PAFAH1B1: variants seen among roughly 807,000 people sequenced by gnomAD.
PAFAH1B1 encodes the protein platelet activating factor acetylhydrolase 1b regulatory subunit 1.
A neutral mutation model predicts 57.5 loss-of-function variants in PAFAH1B1; 2 were observed. The ratio of observed to expected loss-of-function variants is 0.03; its 90% CI spans 0.01 to 0.11. The LOEUF is 0.11. Among genes scored for constraint, PAFAH1B1 ranks in the 10% least tolerant of loss-of-function variants. PAFAH1B1 has a pLI of 1.00. For synonymous variants in PAFAH1B1, 152 were observed against 169.6 expected, an observed-to-expected ratio of 0.90 and a Z score of 0.81; for missense variants, 257 against 512.0, an observed-to-expected ratio of 0.50 and a Z score of 4.81.
intron 1 of PAFAH1B1, among the ~76,000 whole-genome samples, chr17:2,634,702 T>C (rs2068599325): frequency 6.6e-6 from 1 of 152,188 alleles, no homozygotes; most frequent in Non-Finnish European, 1.5e-5. Flanking sequence ...GGCTCCCTAT[T>C]GGCCCTGGGA....
intron 2 of PAFAH1B1, among the ~76,000 whole-genome samples, chr17:2,653,156 A>G (rs2068887988): frequency 6.6e-6 from 1 of 152,168 alleles, no homozygotes; most frequent in South Asian, 2.1e-4. Context: ...CATTCTCAGC[A>G]AACTATTGCA....
chr17:2,664,702 C>CTCTCTCTCTCTCTCTCTCTCTCT (rs1597567320), intron 2 of PAFAH1B1, among the ~76,000 whole-genome samples: 4 of 144,386 alleles, frequency 2.8e-5, no homozygotes, highest in African/African-American at 5.1e-5. Context: ...CTTTCTCTCT[C>CTCTCTCTCTCTCTCTCTCTCTCT]CATCTATAAA....
At chr17:2,598,291 A>T (rs1353207781) in intron 1 of PAFAH1B1, among the ~76,000 whole-genome samples, 3 of 152,122 alleles carry the variant, frequency 2.0e-5, no homozygotes, top group African/African-American at 7.2e-5. Flanking sequence ...AAGATGTCTT[A>T]AAAAACCCAA....
intron 1 of PAFAH1B1, among the ~76,000 whole-genome samples, chr17:2,608,149 A>G (rs1444379296): frequency 6.6e-6 from 1 of 152,064 alleles, no homozygotes; most frequent in African/African-American, 2.4e-5. Context: ...CAATGGCACA[A>G]TATCAGCTCA....
chr17:2,663,573 TA>T (rs11299400), intron 2 of PAFAH1B1, among the ~76,000 whole-genome samples: 150,670 of 152,160 alleles, frequency 0.99, 74,613 homozygotes, highest in East Asian at 1. Context: ...AGTCTTTACT[TA>T]ACTTATTACT....
intron 1 of PAFAH1B1, among the ~76,000 whole-genome samples, chr17:2,614,789 C>T (rs538214564): frequency 1.4e-4 from 22 of 152,036 alleles, no homozygotes; most frequent in African/African-American, 4.3e-4. Context: ...AGTCTTGCTG[C>T]GTTGCCCAGG....
chr17:2,667,614 A>G, intron 5 of PAFAH1B1: 2 of 228,076 alleles, frequency 8.8e-6, no homozygotes, highest in East Asian at 1.1e-4. Context: ...TGTGTGTCTT[A>G]CCTTTAAACG....
chr17:2,602,025 CAG>C (rs1475536324), intron 1 of PAFAH1B1, among the ~76,000 whole-genome samples: 1 of 152,048 alleles, frequency 6.6e-6, no homozygotes, highest in Non-Finnish European at 1.5e-5. Context: ...TTGGAAATAA[CAG>C]AATTAACAAA....
chr17:2,680,071 GT>G, intron 9 of PAFAH1B1, 92 bp from the exon 10 acceptor site: 2 of 1,129,656 alleles, frequency 1.8e-6, no homozygotes, highest in Non-Finnish European at 2.7e-6. Context: ...GTCTTTTGAT[GT>G]TTTTGGTATG....
rs553562763 is a variant in PAFAH1B1, at chr17:2,664,686, C to T, written c.33-686C>T. Among the ~76,000 whole-genome samples the T allele has an allele frequency of 8.4e-3, 1,064 of 126,414 alleles. 11 individuals are homozygous for T. Among genetic ancestry groups the T allele is most frequent in the African/African-American group, 0.03 (994 of 32,954 alleles). The allele number at this position is 126,414 out of a possible 152,430, so 82.9% of individuals were successfully genotyped here. On this transcript the variant is annotated intron_variant, in intron 2 of 10. Transcript: ENST00000397195. ...TATCGCTCTCTCTCTCTCTCTCTCTCTCTCTCTTTCTCTCTCCATCTATAA... is the reference window on the plus strand; with the variant it reads ...TATCGCTCTCTCTCTCTCTCTCTCTTTCTCTCTTTCTCTCTCCATCTATAA...
At chr17:2,609,815 G>A (rs766957585) in intron 1 of PAFAH1B1, among the ~76,000 whole-genome samples, 8 of 151,594 alleles carry the variant, frequency 5.3e-5, no homozygotes, top group Non-Finnish European at 7.4e-5. Context: ...CGGCTGAAAC[G>A]AAGAATATTT....
chr17:2,637,778 C>CT (rs776040009), intron 1 of PAFAH1B1, among the ~76,000 whole-genome samples: 16 of 152,172 alleles, frequency 1.1e-4, no homozygotes, highest in Admixed American at 3.3e-4. Flanking sequence ...CTTTTTGTCT[C>CT]TAAGAGAGAA....
chr17:2,678,963 T>G (rs2069319300), intron 9 of PAFAH1B1, among the ~76,000 whole-genome samples: 2 of 152,222 alleles, frequency 1.3e-5, no homozygotes, highest in Non-Finnish European at 2.9e-5. Context: ...ATGCAGCTAT[T>G]ATACTCTTGA....
intron 2 of PAFAH1B1, among the ~76,000 whole-genome samples, chr17:2,656,114 C>T (rs1009077966): frequency 2.3e-4 from 35 of 152,094 alleles, no homozygotes; most frequent in African/African-American, 7.0e-4. Context: ...TTAGTAGAGA[C>T]GGGGTTTCAC....
chr17:2,651,304 C>T (rs374645494), intron 2 of PAFAH1B1, among the ~76,000 whole-genome samples: 27 of 150,604 alleles, frequency 1.8e-4, no homozygotes, highest in East Asian at 3.9e-4. Context: ...TGGCCGGGTG[C>T]GGTGGCTCAC....
chr17:2,642,060 A>G (rs1449003595), intron 2 of PAFAH1B1: 2 of 152,170 alleles, frequency 1.3e-5, no homozygotes. Context: ...AAGTACCTAC[A>G]TGTCCACATA....
chr17:2,623,548 G>A (rs934232409), intron 1 of PAFAH1B1, among the ~76,000 whole-genome samples: 1 of 151,532 alleles, frequency 6.6e-6, no homozygotes, highest in South Asian at 2.1e-4. Flanking sequence ...GTGAGCCACT[G>A]CGTCTGGCCA....
intron 2 of PAFAH1B1, among the ~76,000 whole-genome samples, chr17:2,639,131 C>G (rs553324234): frequency 6.6e-6 from 1 of 152,110 alleles, no homozygotes; most frequent in Non-Finnish European, 1.5e-5. Context: ...ATCTCCTGAC[C>G]TCGTGATCCG....
At chr17:2,637,573 C>T (rs2068640759) in intron 1 of PAFAH1B1, among the ~76,000 whole-genome samples, 2 of 151,962 alleles carry the variant, frequency 1.3e-5, no homozygotes, top group South Asian at 4.1e-4. Flanking sequence ...GAGAACCTGT[C>T]TCCAAAAAAA....
Sources: allele counts gnomAD v4.1 joint callset (sites outside exome capture counted in the v4.1 genomes callset), GRCh38; gene constraint gnomAD v4.1.1; transcripts MANE v1.5; gene names NCBI Gene and HGNC (gene_info 2026-07-23, HGNC 2026-07-21).